Variants in CUX2 observed in about 807,000 individuals in gnomAD.
CUX2 encodes the protein homeobox protein cut-like 2.
CUX2 carries 40 observed loss-of-function variants against 144.8 expected under a neutral mutation model. That is an observed-to-expected ratio of 0.28 (90% CI 0.21 to 0.36). The LOEUF is 0.36. Among genes scored for constraint, CUX2 ranks in the 10% least tolerant of loss-of-function variants. CUX2 has a pLI of 1.00. For synonymous variants in CUX2, 827 were observed against 875.6 expected (o/e 0.94, Z 0.98); for missense variants, 1,615 against 1,994.0 (o/e 0.81, Z 3.62).
chr12:111,036,640 G>T (rs970565067), intron 1 of CUX2, among the ~76,000 whole-genome samples: 2 of 150,672 alleles, frequency 1.3e-5, no homozygotes, highest in African/African-American at 2.4e-5. Flanking sequence ...GAAGGGGGGG[G>T]TTGTTCGTTA....
chr12:111,345,175 C>T (rs756374626), intron 21 of CUX2, among the ~76,000 whole-genome samples: 15 of 151,992 alleles, frequency 9.9e-5, no homozygotes, highest in Non-Finnish European at 1.6e-4. Flanking sequence ...AAAGGCCGGG[C>T]GCAGTGACTC....
Position 111,341,814 on chromosome 12 carries a change from C to G in CUX2, c.3420C>G (p.Thr1140=), listed in dbSNP as rs376748122. ...AACGTCGCTATGGCCTCATCAGCAC[C>G]GGCTCAGACAGTGAGTCCCCGGCCA... ...YLKRRYGLIS[T]GSDSESPATR... The change falls in exon 21 of 22, where the codon ACC becomes ACG. Residue 1140 remains threonine (T), a synonymous_variant. Transcript: ENST00000261726. The G allele has an allele frequency of 1.6e-5, 25 of 1,610,662 alleles. No individual in the cohort carries two copies. In the East Asian group the frequency reaches 5.6e-4, roughly 36 times the overall value.
At position 111,347,637 on chromosome 12, in the gene CUX2, C is replaced by T. The variant is rs202163528; in HGVS notation, c.3773C>T (p.Pro1258Leu). The change falls in exon 22 of 22, where the codon CCG becomes CTG. Residue 1258 changes from proline to leucine, a missense_variant. Pro to Leu is a moderately conservative substitution (Grantham distance 98). Around this residue, in one of 12 missense-constraint regions of CUX2, gnomAD observed 298 missense variants for 330.4 expected, o/e 0.90. Coordinates refer to ENST00000261726, the MANE Select transcript of CUX2 (RefSeq NM_015267.4). Reference protein sequence around the residue: ...PPGHSHPDPTPQSPDSETEDQ... With the variant: ...PPGHSHPDPTLQSPDSETEDQ... ...GGCCACTCCCACCCAGACCCCACCC[C>T]GCAGAGCCCTGACTCTGAGACTGAG... 1.4e-5 allele frequency: 22 copies of T among 1,612,746 alleles called. No homozygotes were observed. Among genetic ancestry groups the T allele is most frequent in the Admixed American group, 5.0e-5 (3 of 59,966 alleles).
intron 3 of CUX2, among the ~76,000 whole-genome samples, chr12:111,258,512 CAAA>C (rs895707620): frequency 1.1e-4 from 7 of 65,924 alleles, no homozygotes; most frequent in Non-Finnish European, 9.0e-5. Context: ...GACTCCATCT[CAAA>C]AAAAAAAAAA....
chr12:111,316,318 T>A (rs1887190745), intron 16 of CUX2, among the ~76,000 whole-genome samples: 1 of 149,546 alleles, frequency 6.7e-6, no homozygotes, highest in Non-Finnish European at 1.5e-5. Context: ...TTTTTTTTTT[T>A]AATTTTTAGT....
intron 3 of CUX2, among the ~76,000 whole-genome samples, chr12:111,236,454 C>T (rs1209844325): frequency 6.6e-6 from 1 of 152,168 alleles, no homozygotes; most frequent in African/African-American, 2.4e-5. Flanking sequence ...GGCGTAAAGA[C>T]CAGGCAGGTA....
intron 1 of CUX2, chr12:111,099,902 A>G: frequency 2.2e-6 from 1 of 452,880 alleles, no homozygotes; most frequent in Non-Finnish European, 4.5e-6. Context: ...AATGTCTTTT[A>G]AAATTAGAAT....
chr12:111,250,427 AGGGCTGCCCCT>A (rs1057278365), intron 3 of CUX2, among the ~76,000 whole-genome samples: 1 of 152,204 alleles, frequency 6.6e-6, no homozygotes, highest in Non-Finnish European at 1.5e-5. Context: ...AAGAGGACCC[AGGGCTGCCCCT>A]GGGAGCGTTT....
Position 111,304,096 on chromosome 12 carries a change from G to T in CUX2, c.754-114G>T, listed in dbSNP as rs769323416. The stretch of plus-strand genomic sequence containing the variant: ...GACAGGGTCCGGGACTAGGAAGGCA[G>T]GACCTGAGGCCCTCGGAGGTCTGCC... On this transcript the variant is annotated intron_variant, in intron 9 of 21. Transcript: ENST00000261726. This position sits in a 1 kb window ranked among gnomAD's most constrained non-coding sequence, Gnocchi z 4.7. 14 of 754,970 alleles carry T rather than the reference G, an allele frequency of 1.9e-5. No individual in the cohort carries two copies. The highest frequency in any genetic ancestry group is 1.8e-5 in the Non-Finnish European group (8 of 446,772). The allele number at this position is 754,970 out of a possible 1,614,324, so 46.8% of individuals were successfully genotyped here. A position where few individuals can be genotyped will look rare whatever the true frequency, so the allele number is the denominator to read the frequency against.
At chr12:111,265,589 C>T (rs1486563447) in intron 4 of CUX2, among the ~76,000 whole-genome samples, 2 of 151,972 alleles carry the variant, frequency 1.3e-5, no homozygotes. Context: ...GTGATCCGCC[C>T]ACCTCAGCCT....
chr12:111,274,630 C>T (rs1884775752), intron 4 of CUX2, among the ~76,000 whole-genome samples: 1 of 152,158 alleles, frequency 6.6e-6, no homozygotes, highest in Non-Finnish European at 1.5e-5. Flanking sequence ...CTCACAGCTG[C>T]ATATAAAGGC....
intron 18 of CUX2, among the ~76,000 whole-genome samples, chr12:111,327,459 C>G (rs888833654): frequency 6.6e-6 from 1 of 152,160 alleles, no homozygotes; most frequent in Non-Finnish European, 1.5e-5. Context: ...CAAAGGGTTT[C>G]TGTTTCTCCA....
rs1000054527 is a variant in CUX2 at position 111,061,391 on chromosome 12, G to T, written c.63+27151G>T. ...GATGGGGGAGGAGGAGGGAAGCATG[G>T]GCTGTAGAAGGGTTTTCGGGGAATC... is the stretch of plus-strand genomic sequence containing the variant. On this transcript the variant is annotated intron_variant, in intron 1 of 21. Transcript: ENST00000261726. The surrounding 1 kb of genome is among the most constrained non-coding windows in gnomAD (Gnocchi z 4.2). Among the ~76,000 whole-genome samples, 30 of 152,278 alleles carry T rather than the reference G, an allele frequency of 2.0e-4. No individual in the cohort carries two copies. Among genetic ancestry groups the T allele is most frequent in the African/African-American group, 6.7e-4 (28 of 41,548 alleles).
intron 4 of CUX2, among the ~76,000 whole-genome samples, chr12:111,281,580 G>A (rs187724790): frequency 1.2e-4 from 19 of 152,306 alleles, no homozygotes; most frequent in Admixed American, 1.1e-3. Flanking sequence ...TCCCACAGAC[G>A]CTCAATAAAC....
Position 111,342,127 on chromosome 12 carries a change from G to C in CUX2, c.3659+74G>C, listed in dbSNP as rs77315054. 5,058 of 1,522,476 alleles carry C rather than the reference G, an allele frequency of 3.3e-3. 147 individuals are homozygous for C. In the African/African-American group the frequency reaches 0.058, roughly 18 times the overall value. 94.3% of individuals were successfully genotyped at this position (1,522,476 alleles called of 1,614,324 possible). ...GACCCCTTCCCCATCCCAGGGCCTGGAGGGAGCCCCACATGGCCTCTGGGA... is the reference window on the plus strand; with the variant it reads ...GACCCCTTCCCCATCCCAGGGCCTGCAGGGAGCCCCACATGGCCTCTGGGA... On this transcript the variant is annotated intron_variant, in intron 21 of 21. Transcript: ENST00000261726.
rs1408857204 is a variant in CUX2, at chr12:111,225,252, C to T, written c.222+7315C>T. Among the ~76,000 whole-genome samples, 11 of 152,332 alleles carry T rather than the reference C, an allele frequency of 7.2e-5. No individual in the cohort carries two copies. In the Middle Eastern group the frequency reaches 0.01, roughly 141 times the overall value. ...TGAGTGTTCAGTGAGCATGAGTTGG[C>T]ATTCCCAGCAGGTGAGCTGAAACTG... On this transcript the variant is annotated intron_variant, in intron 3 of 21. Coordinates refer to ENST00000261726, the MANE Select transcript of CUX2 (RefSeq NM_015267.4).
At chr12:111,066,690 C>T (rs1450015877) in intron 1 of CUX2, among the ~76,000 whole-genome samples, 1 of 152,228 alleles carries the variant, frequency 6.6e-6, no homozygotes, top group African/African-American at 2.4e-5. Context: ...TCCCCTTGCT[C>T]TGCTCTAGGG....
chr12:111,327,016 C>T (rs952131949), intron 18 of CUX2, among the ~76,000 whole-genome samples: 4 of 152,178 alleles, frequency 2.6e-5, no homozygotes, highest in Non-Finnish European at 5.9e-5. Context: ...TGACCATCAC[C>T]TCTGTCTAAT....
chr12:111,320,853 T>C lies in CUX2; in HGVS notation c.2766+78T>C. 1.5e-6 allele frequency: 2 copies of C among 1,377,720 alleles called. No homozygotes were observed. The highest frequency in any genetic ancestry group is 1.9e-6 in the Non-Finnish European group (2 of 1,063,768). 85.3% of individuals were successfully genotyped at this position (1,377,720 alleles called of 1,614,324 possible). A position where few individuals can be genotyped will look rare whatever the true frequency, so the allele number is the denominator to read the frequency against. ...AAGTAGGATGCCCACCCAAGCAGGC[T>C]GGCGGGACCCCAGGGGCCCAGGCCC... is the stretch of plus-strand genomic sequence containing the variant. On this transcript the variant is annotated intron_variant, in intron 17 of 21. Coordinates refer to ENST00000261726, the MANE Select transcript of CUX2 (RefSeq NM_015267.4). This position sits in a 1 kb window ranked among gnomAD's most constrained non-coding sequence, Gnocchi z 8.1.
Sources: gnomAD v4.1 joint callset for allele counts (sites outside exome capture counted in the v4.1 genomes callset) on GRCh38, gnomAD v4.1.1 for gene constraint, gnomAD v4.1.1 regional missense constraint, Gnocchi (gnomAD v3.1) non-coding constraint, MANE v1.5 for transcripts, NCBI Gene and HGNC (gene_info 2026-07-23, HGNC 2026-07-21) for gene names.